Variants in GRIN2A observed in about 807,000 individuals in gnomAD.
The protein encoded by GRIN2A is glutamate receptor ionotropic, NMDA 2A.
GRIN2A carries 22 observed loss-of-function variants against 113.4 expected under a neutral mutation model. The observed-to-expected ratio is 0.19, with a 90% CI of 0.14 to 0.28. GRIN2A has a LOEUF of 0.28. GRIN2A is among the 10% of genes least tolerant of loss of function. The pLI, the probability that GRIN2A is intolerant of heterozygous loss-of-function variation, is 1.00. For missense variants in GRIN2A, 1,502 were observed against 1,887.0 expected, an observed-to-expected ratio of 0.80 and a Z score of 3.78; for synonymous variants, 827 against 738.4, an observed-to-expected ratio of 1.12 and a Z score of -1.94.
intron 2 of GRIN2A, chr16:10,112,095 T>C (rs1159354363): frequency 1.7e-6 from 1 of 601,198 alleles, no homozygotes; most frequent in Non-Finnish European, 3.1e-6. Context: ...CTCCAAGGAT[T>C]CCCACAAGCA....
intron 2 of GRIN2A, among the ~76,000 whole-genome samples, chr16:10,041,461 C>G (rs2047165606): frequency 6.6e-6 from 1 of 152,154 alleles, no homozygotes; most frequent in Admixed American, 6.5e-5. Context: ...AAAAGCCTTA[C>G]TTTGAACAAG....
intron 3 of GRIN2A, among the ~76,000 whole-genome samples, chr16:9,898,198 T>C (rs1341089750): frequency 6.6e-6 from 1 of 152,028 alleles, no homozygotes; most frequent in Non-Finnish European, 1.5e-5. Flanking sequence ...TAATAAATAG[T>C]AGTTAACATT....
chr16:10,089,019 G>T (rs970589729), intron 2 of GRIN2A, among the ~76,000 whole-genome samples: 4 of 152,130 alleles, frequency 2.6e-5, no homozygotes, highest in African/African-American at 9.7e-5. Context: ...TCATGCCTCA[G>T]TTTTTTTATC....
intron 3 of GRIN2A, among the ~76,000 whole-genome samples, chr16:9,897,005 G>T (rs1438444131): frequency 6.6e-6 from 1 of 152,130 alleles, no homozygotes; most frequent in African/African-American, 2.4e-5. Flanking sequence ...CAGAAATTCT[G>T]ACTGCTTCTA....
At chr16:9,775,584 G>A (rs1316544675) in intron 11 of GRIN2A, among the ~76,000 whole-genome samples, 1 of 152,216 alleles carries the variant, frequency 6.6e-6, no homozygotes, top group Non-Finnish European at 1.5e-5. Flanking sequence ...GAAACAAGGA[G>A]TGTTGAGATC....
At chr16:9,884,900 A>T (rs1596538791) in intron 4 of GRIN2A, among the ~76,000 whole-genome samples, 1 of 146,586 alleles carries the variant, frequency 6.8e-6, no homozygotes, top group Non-Finnish European at 1.5e-5. Flanking sequence ...CAGGCACCTA[A>T]TTTTTTTTTT....
At chr16:9,845,246 T>G (rs938659171) in intron 5 of GRIN2A, among the ~76,000 whole-genome samples, 1 of 152,204 alleles carries the variant, frequency 6.6e-6, no homozygotes, top group East Asian at 1.9e-4. Context: ...TAGTCTTCAG[T>G]AGAAAAGTCA....
intron 2 of GRIN2A, among the ~76,000 whole-genome samples, chr16:9,973,938 G>C (rs1013915018): frequency 5.3e-5 from 8 of 152,116 alleles, no homozygotes; most frequent in African/African-American, 1.7e-4. Flanking sequence ...GCTGATACAA[G>C]AGAAAATAAT....
chr16:9,910,537 C>CTTTTTTTTTT (rs35352418), intron 3 of GRIN2A, among the ~76,000 whole-genome samples: 20 of 123,282 alleles, frequency 1.6e-4, no homozygotes, highest in African/African-American at 6.2e-4. Context: ...TCTCAGAGTT[C>CTTTTTTTTTT]TTTTTTTTTT....
chr16:10,003,058 A>C (rs530868254), intron 2 of GRIN2A, among the ~76,000 whole-genome samples: 1 of 152,250 alleles, frequency 6.6e-6, no homozygotes. Flanking sequence ...AATTATGGAC[A>C]GTAGAACTCA....
At chr16:9,766,687 G>C (rs573853232) in intron 12 of GRIN2A, among the ~76,000 whole-genome samples, 1 of 152,172 alleles carries the variant, frequency 6.6e-6, no homozygotes, top group Admixed American at 6.5e-5. Flanking sequence ...GAGCCACTGC[G>C]CTCCAGCCTG....
At chr16:10,127,630 T>C (rs1009772391) in intron 2 of GRIN2A, among the ~76,000 whole-genome samples, 2 of 152,210 alleles carry the variant, frequency 1.3e-5, no homozygotes, top group African/African-American at 2.4e-5. Context: ...GCATGAACTA[T>C]GTCCTTCACC....
At chr16:9,906,247 T>G (rs1326573898) in intron 3 of GRIN2A, among the ~76,000 whole-genome samples, 4 of 152,230 alleles carry the variant, frequency 2.6e-5, no homozygotes, top group African/African-American at 7.2e-5. Flanking sequence ...TCCATGCTCC[T>G]TGGCAACTTT....
chr16:9,893,402 T>C (rs2043736904), intron 3 of GRIN2A, among the ~76,000 whole-genome samples: 1 of 152,204 alleles, frequency 6.6e-6, no homozygotes, highest in Non-Finnish European at 1.5e-5. Context: ...ATAATCACTA[T>C]TCTATCTGGT....
At chr16:9,848,200 A>G (rs1188659913) in intron 5 of GRIN2A, among the ~76,000 whole-genome samples, 1 of 149,874 alleles carries the variant, frequency 6.7e-6, no homozygotes, top group African/African-American at 2.4e-5. Flanking sequence ...TATAATGTTT[A>G]TATATTTCTA....
At chr16:9,816,439 A>G (rs2042187045) in intron 10 of GRIN2A, among the ~76,000 whole-genome samples, 1 of 152,224 alleles carries the variant, frequency 6.6e-6, no homozygotes. Context: ...TGAGGCTTCT[A>G]AGGAAATTGG....
At chr16:9,955,293 C>T (rs995906813) in intron 2 of GRIN2A, among the ~76,000 whole-genome samples, 1 of 152,318 alleles carries the variant, frequency 6.6e-6, no homozygotes, top group African/African-American at 2.4e-5. Context: ...TCTCGGCCAC[C>T]TTGTGTCCAC....
At chr16:10,043,820 G>A (rs969221441) in intron 2 of GRIN2A, among the ~76,000 whole-genome samples, 2 of 151,822 alleles carry the variant, frequency 1.3e-5, no homozygotes, top group African/African-American at 2.4e-5. Flanking sequence ...AGCATTTGAT[G>A]CTTAATATAC....
At chr16:10,136,132 T>G (rs2049186167) in intron 2 of GRIN2A, among the ~76,000 whole-genome samples, 1 of 152,128 alleles carries the variant, frequency 6.6e-6, no homozygotes, top group African/African-American at 2.4e-5. Flanking sequence ...TACACTCTGC[T>G]CCACCATCCA....
Sources: gnomAD v4.1 joint callset for allele counts (sites outside exome capture counted in the v4.1 genomes callset) on GRCh38, gnomAD v4.1.1 for gene constraint, MANE v1.5 for transcripts, NCBI Gene and HGNC (gene_info 2026-07-23, HGNC 2026-07-21) for gene names.